ZNF438: variants seen among roughly 807,000 people sequenced by gnomAD.
ZNF438 encodes zinc finger protein 438.
A neutral mutation model predicts 38.0 loss-of-function variants in ZNF438; 25 were observed. That is an observed-to-expected ratio of 0.66 (90% confidence interval 0.48 to 0.92). The LOEUF is 0.92. Among genes scored for constraint, ZNF438 ranks in the 40% least tolerant of loss-of-function variants. ZNF438 has a pLI of 0.00. For missense variants in ZNF438, 1,007 were observed against 999.6 expected, an observed-to-expected ratio of 1.01 and a Z score of -0.10; for synonymous variants, 372 against 364.1, an observed-to-expected ratio of 1.02 and a Z score of -0.25.
exon 5 of ZNF438, chr10:30,849,441 G>A (rs2033085027): frequency 1.2e-6 from 2 of 1,614,042 alleles, no homozygotes; most frequent in Admixed American, 1.7e-5. Flanking sequence ...TCGGCCTTAG[G>A]TCCTGGTAAA....
At chr10:30,910,614 A>C (rs1589148049) in intron 2 of ZNF438, among the ~76,000 whole-genome samples, 1 of 140,210 alleles carries the variant, frequency 7.1e-6, no homozygotes, top group East Asian at 2.3e-4. Flanking sequence ...GCAACTTTAT[A>C]TGTTAGTATT....
chr10:31,001,216 T>G (rs2054622965), intron 1 of ZNF438, among the ~76,000 whole-genome samples: 1 of 152,206 alleles, frequency 6.6e-6, no homozygotes. Context: ...ACTCAAAAAA[T>G]GTTTTAAAAA....
chr10:30,901,310 A>G (rs894187162), intron 3 of ZNF438, among the ~76,000 whole-genome samples: 5 of 152,194 alleles, frequency 3.3e-5, no homozygotes, highest in Non-Finnish European at 2.9e-5. Context: ...TAAGTTGCCA[A>G]TGTGGCTTTG....
intron 3 of ZNF438, among the ~76,000 whole-genome samples, chr10:30,901,133 T>TA (rs2041926663): frequency 6.6e-6 from 1 of 152,236 alleles, no homozygotes; most frequent in African/African-American, 2.4e-5. Flanking sequence ...TCGCCTTTCT[T>TA]ATAACAGTTA....
intron 3 of ZNF438, among the ~76,000 whole-genome samples, chr10:30,885,708 A>G (rs1457781523): frequency 6.6e-6 from 1 of 152,118 alleles, no homozygotes; most frequent in Non-Finnish European, 1.5e-5. Flanking sequence ...CCATGCATAC[A>G]TGTACCTATA....
In ZNF438 at chr10:30,868,366, C is replaced by T. The variant is rs528808674; in HGVS notation, c.37+8632G>A. Among the ~76,000 whole-genome samples, 27 of 152,072 alleles carry T rather than the reference C, an allele frequency of 1.8e-4. No homozygotes were observed. The East Asian group carries it at 4.5e-3, about 25-fold the overall frequency. ...GATTACAGGTGTGAACCACCGTGCC[C>T]GGCCTGAAGGATTTTTTTAAACAAA... On this transcript the variant is annotated intron_variant, in intron 4 of 5. Transcript: ENST00000413025.
intron 1 of ZNF438, among the ~76,000 whole-genome samples, chr10:30,962,975 C>CT (rs2049664306): frequency 6.6e-6 from 1 of 152,022 alleles, no homozygotes; most frequent in Non-Finnish European, 1.5e-5. Flanking sequence ...AATGGGTTTG[C>CT]TTTTAATAAG....
Position 30,993,510 on chromosome 10 carries a change from G to A in ZNF438, c.-192+38323C>T, listed in dbSNP as rs550967076. ...AAGGTGCTAATTCTGCAGCTGTACA[G>A]AATGTAACAGAAGTGGGGCTATGGT... On this transcript the variant is annotated intron_variant, in intron 1 of 5. Transcript: ENST00000413025. Among the ~76,000 whole-genome samples, 102 of 152,362 alleles carry A rather than the reference G, an allele frequency of 6.7e-4. 1 individual carries two copies. The highest frequency in any genetic ancestry group is 1.2e-3 in the Non-Finnish European group (85 of 68,042).
chr10:30,985,456 A>G (rs2052666093), intron 1 of ZNF438, among the ~76,000 whole-genome samples: 1 of 152,246 alleles, frequency 6.6e-6, no homozygotes, highest in Non-Finnish European at 1.5e-5. Flanking sequence ...GGCTCCATTA[A>G]CAGAAAAACT....
rs994414876 is a variant in ZNF438, at chr10:30,904,558, A to C, written c.-32+4375T>G. The stretch of plus-strand genomic sequence containing the variant: ...TGACACAGCCAGAGTGATGTTTTCA[A>C]AAGACAAATTAGAATGTGTCACCCC... On this transcript the variant is annotated intron_variant, in intron 3 of 5. Transcript: ENST00000413025. 2.0e-5 allele frequency among the ~76,000 whole-genome samples: 3 copies of C among 152,122 alleles called. No individual in the cohort carries two copies. In the South Asian group the frequency reaches 6.2e-4, roughly 32 times the overall value.
chr10:31,005,415 C>T (rs568675578), intron 1 of ZNF438, among the ~76,000 whole-genome samples: 1 of 152,122 alleles, frequency 6.6e-6, no homozygotes, highest in South Asian at 2.1e-4. Context: ...ACAGAAAATG[C>T]ATGATTTCAC....
chr10:31,020,999 A>C (rs1277977186), intron 1 of ZNF438, among the ~76,000 whole-genome samples: 2 of 151,872 alleles, frequency 1.3e-5, no homozygotes, highest in Non-Finnish European at 2.9e-5. Flanking sequence ...AAGGTATGAC[A>C]CAAAAGCTGT....
intron 3 of ZNF438, among the ~76,000 whole-genome samples, chr10:30,898,788 G>A (rs937830058): frequency 2.6e-5 from 4 of 152,048 alleles, no homozygotes; most frequent in African/African-American, 9.7e-5. Context: ...AAAATCAAAT[G>A]TGTAAAGTCC....
chr10:30,991,699 A>C (rs1221048386), intron 1 of ZNF438, among the ~76,000 whole-genome samples: 2 of 152,232 alleles, frequency 1.3e-5, no homozygotes, highest in African/African-American at 2.4e-5. Context: ...GGATACAAGC[A>C]GCAACCAACA....
chr10:31,032,391 G>C (rs1197911930), upstream of ZNF438, among the ~76,000 whole-genome samples: 1 of 150,196 alleles, frequency 6.7e-6, no homozygotes, highest in African/African-American at 2.5e-5. Flanking sequence ...GCTCGACGCG[G>C]CTCCCGCTAG....
intron 1 of ZNF438, among the ~76,000 whole-genome samples, chr10:30,954,246 G>A (rs1467592866): frequency 6.6e-6 from 1 of 152,162 alleles, no homozygotes; most frequent in Non-Finnish European, 1.5e-5. Flanking sequence ...ATAAGTTATG[G>A]ATACACAAAC....
intron 1 of ZNF438, among the ~76,000 whole-genome samples, chr10:30,948,194 C>T (rs2047684185): frequency 6.6e-6 from 1 of 152,188 alleles, no homozygotes; most frequent in Admixed American, 6.5e-5. Context: ...GGGGTCCTGT[C>T]TGTTAGAAGG....
chr10:30,876,922 G>T, intron 4 of ZNF438, 76 bp downstream of exon 5: 1 of 1,084,580 alleles, frequency 9.2e-7, no homozygotes, highest in Non-Finnish European at 1.3e-6. Context: ...CTTATGATTA[G>T]AGGTCAATGA....
At chr10:30,868,165 G>C (rs1004563882) in intron 4 of ZNF438, among the ~76,000 whole-genome samples, 19 of 151,610 alleles carry the variant, frequency 1.3e-4, no homozygotes, top group African/African-American at 4.4e-4. Context: ...CGTCTCCCCA[G>C]TTCAAGCAAT....
Sources: allele counts gnomAD v4.1 joint callset (sites outside exome capture counted in the v4.1 genomes callset), GRCh38; gene constraint gnomAD v4.1.1; transcripts MANE v1.5; gene names NCBI Gene and HGNC (gene_info 2026-07-23, HGNC 2026-07-21).